The following WIF1 variants were observed in gnomAD, a reference collection of about 807,000 sequenced individuals.
WIF1 encodes the protein Wnt inhibitory factor 1.
Under a neutral mutation model 53.5 loss-of-function variants are expected in WIF1, and 35 were observed. That is an observed-to-expected ratio of 0.65 (90% CI 0.50 to 0.87). WIF1 has a LOEUF of 0.87. Among genes scored for constraint, WIF1 ranks in the 40% least tolerant of loss-of-function variants. WIF1 has a pLI of 0.00. For missense variants in WIF1, 467 were observed against 476.8 expected (o/e 0.98, Z 0.19); for synonymous variants, 171 against 170.4 (o/e 1.00, Z -0.03).
At chr12:65,086,991 TA>T (rs371787646) in intron 2 of WIF1, among the ~76,000 whole-genome samples, 143 of 146,612 alleles carry the variant, frequency 9.8e-4, no homozygotes, top group East Asian at 6.0e-3. Context: ...AAATAATAAT[TA>T]AAAAAAAAAT....
intron 2 of WIF1, among the ~76,000 whole-genome samples, chr12:65,108,044 C>T (rs1046549476): frequency 6.6e-6 from 1 of 152,024 alleles, no homozygotes; most frequent in African/African-American, 2.4e-5. Context: ...CACCAGGAAC[C>T]CTATGCAGAT....
At chr12:65,100,566 G>A (rs1053399802) in intron 2 of WIF1, among the ~76,000 whole-genome samples, 22 of 152,148 alleles carry the variant, frequency 1.4e-4, no homozygotes, top group Non-Finnish European at 2.6e-4. Flanking sequence ...CCAAGAGCCC[G>A]TAGAATAATT....
intron 2 of WIF1, among the ~76,000 whole-genome samples, chr12:65,080,823 C>T (rs1001617326): frequency 6.6e-5 from 10 of 152,048 alleles, no homozygotes; most frequent in African/African-American, 2.4e-4. Flanking sequence ...ATTAAAAGGT[C>T]AAATACCATA....
At chr12:65,079,146 C>G (rs1356753048) in intron 2 of WIF1, among the ~76,000 whole-genome samples, 1 of 107,030 alleles carries the variant, frequency 9.3e-6, no homozygotes, top group Non-Finnish European at 1.7e-5. Context: ...GCCTGGGCAA[C>G]AGAGCAAGAC....
chr12:65,083,655 G>T (rs1322692423), intron 2 of WIF1: 7 of 265,002 alleles, frequency 2.6e-5, no homozygotes, highest in African/African-American at 1.6e-4. Context: ...GACTCTTCTT[G>T]CCATCTGCGT....
chr12:65,111,270 C>T (rs917034615), intron 2 of WIF1, among the ~76,000 whole-genome samples: 1 of 152,214 alleles, frequency 6.6e-6, no homozygotes, highest in African/African-American at 2.4e-5. Flanking sequence ...AAACTACCCT[C>T]CACCCTGTGA....
chr12:65,069,013 G>T, intron 3 of WIF1, 109 bp from the exon 4 acceptor site: 1 of 1,234,532 alleles, frequency 8.1e-7, no homozygotes, highest in Non-Finnish European at 1.1e-6. Flanking sequence ...ATGTTCACAT[G>T]TTGTGGATTT....
intron 2 of WIF1, among the ~76,000 whole-genome samples, chr12:65,080,904 T>C (rs1037072113): frequency 5.3e-5 from 8 of 150,510 alleles, no homozygotes; most frequent in Non-Finnish European, 1.0e-4. Flanking sequence ...TATACCTTTC[T>C]ATGTGTGATA....
At chr12:65,114,369 C>T (rs534267030) in intron 2 of WIF1, among the ~76,000 whole-genome samples, 1 of 152,058 alleles carries the variant, frequency 6.6e-6, no homozygotes, top group East Asian at 1.9e-4. Flanking sequence ...ATAAAATTAG[C>T]AAATATGTGA....
At chr12:65,069,053 A>T in intron 3 of WIF1, 149 bp from the exon 4 acceptor site, 1 of 851,500 alleles carries the variant, frequency 1.2e-6, no homozygotes, top group Admixed American at 2.9e-5. Flanking sequence ...TAGGAACTGT[A>T]TTTTGAGCAT....
rs1883607587 is a variant in WIF1, at chr12:65,121,269, T to C, written c.-78A>G. 3.0e-6 allele frequency: 4 copies of C among 1,348,998 alleles called. No individual in the cohort carries two copies. The highest frequency in any genetic ancestry group is 3.8e-6 in the Non-Finnish European group (4 of 1,044,778). The allele number at this position is 1,348,998 out of a possible 1,614,324, so 83.6% of individuals were successfully genotyped here. A position where few individuals can be genotyped will look rare whatever the true frequency, so the allele number is the denominator to read the frequency against. ...AACCTGGCGCCGTCAGATACTCTGC[T>C]GCGCTGCAGCTCCCTCAGCCAGGGC... is the stretch of plus-strand genomic sequence containing the variant. On this transcript the variant is annotated 5_prime_UTR_variant, in exon 1 of 10. Coordinates refer to ENST00000286574, the MANE Select transcript of WIF1 (RefSeq NM_007191.5).
At chr12:65,097,050 G>GA (rs1477966451) in intron 2 of WIF1, among the ~76,000 whole-genome samples, 2 of 146,864 alleles carry the variant, frequency 1.4e-5, no homozygotes, top group African/African-American at 5.0e-5. Flanking sequence ...CAGATCAACA[G>GA]AAAAAAACTC....
rs528643063 is a variant in WIF1, at chr12:65,108,019, G to A, written c.288+12398C>T. On this transcript the variant is annotated intron_variant, in intron 2 of 9. Coordinates refer to ENST00000286574, the MANE Select transcript of WIF1 (RefSeq NM_007191.5). ...AGTATCTTAGTGTGACAGTCTCAGAGTATGCTCTGAAGAACACCAGGAACC... is the reference window on the plus strand; with the variant it reads ...AGTATCTTAGTGTGACAGTCTCAGAATATGCTCTGAAGAACACCAGGAACC... 3.9e-5 allele frequency among the ~76,000 whole-genome samples: 6 copies of A among 152,286 alleles called. No individual in the cohort carries two copies. The South Asian group carries it at 1.2e-3, about 32-fold the overall frequency.
At chr12:65,054,281 G>A (rs966003696) in intron 9 of WIF1, among the ~76,000 whole-genome samples, 2 of 151,994 alleles carry the variant, frequency 1.3e-5, no homozygotes, top group Non-Finnish European at 2.9e-5. Flanking sequence ...GTGGACAGTG[G>A]GCCCATGCTT....
At chr12:65,108,295 A>G (rs949632637) in intron 2 of WIF1, among the ~76,000 whole-genome samples, 8 of 152,178 alleles carry the variant, frequency 5.3e-5, no homozygotes, top group African/African-American at 1.9e-4. Flanking sequence ...AGTGGAGGTC[A>G]AAAGAAGGAA....
At chr12:65,120,723 G>T in intron 1 of WIF1, 167 bp from the exon 2 acceptor site, 2 of 873,452 alleles carry the variant, frequency 2.3e-6, no homozygotes, top group East Asian at 2.7e-5. Flanking sequence ...CTCTGTGGAT[G>T]ATGAGAATGA....
At chr12:65,089,907 T>G (rs1424623781) in intron 2 of WIF1, among the ~76,000 whole-genome samples, 1 of 151,914 alleles carries the variant, frequency 6.6e-6, no homozygotes, top group Non-Finnish European at 1.5e-5. Context: ...GAAGGGATTT[T>G]TTCTCTTCTT....
intron 6 of WIF1, among the ~76,000 whole-genome samples, chr12:65,065,239 A>G (rs1424217390): frequency 6.6e-6 from 1 of 152,180 alleles, no homozygotes; most frequent in Non-Finnish European, 1.5e-5. Flanking sequence ...CAATGGCTTA[A>G]TTCCAAGTCT....
In WIF1 at chr12:65,111,132, TGAG is replaced by T. The variant is rs1883424062; in HGVS notation, c.288+9282_288+9284del. 2.0e-5 allele frequency among the ~76,000 whole-genome samples: 3 copies of T among 152,282 alleles called. No individual in the cohort carries two copies. In the South Asian group the frequency reaches 6.2e-4, roughly 32 times the overall value. ...AGTCAGTGAAGCAGAGCAGAGAAAA[TGAG>T]GCACTCCTTGTTCCTGGCACCAAGA... On this transcript the variant is annotated intron_variant, in intron 2 of 9. Transcript: ENST00000286574.
Sources: gnomAD v4.1 joint callset for allele counts (sites outside exome capture counted in the v4.1 genomes callset) on GRCh38, gnomAD v4.1.1 for gene constraint, MANE v1.5 for transcripts, NCBI Gene and HGNC (gene_info 2026-07-23, HGNC 2026-07-21) for gene names.